Variants in DCHS1 observed in about 807,000 individuals in gnomAD.
DCHS1 encodes the protein protocadherin-16.
In DCHS1, 78 loss-of-function variants were observed where a neutral mutation model predicts 213.9. The observed-to-expected ratio is 0.36, with a 90% CI of 0.30 to 0.44. DCHS1 has a LOEUF of 0.44. Ranked by LOEUF, DCHS1 falls within the 20% of genes least tolerant of loss-of-function variation. The probability of loss-of-function intolerance (pLI) is 1.00; values close to 1 mark genes in which losing one functional copy is unlikely to be tolerated. For missense variants in DCHS1, 3,946 were observed against 4,395.9 expected (o/e 0.90, Z 2.89); for synonymous variants, 1,828 against 1,873.7 (o/e 0.98, Z 0.63).
chr11:6,643,010 T>A (rs1283940032), intron 1 of DCHS1, among the ~76,000 whole-genome samples: 1 of 151,744 alleles, frequency 6.6e-6, no homozygotes, highest in South Asian at 2.1e-4. Context: ...GGAAGAAGGA[T>A]TGGGAGAAGT....
At position 6,631,898 on chromosome 11, in the gene DCHS1, G is replaced by C. The variant is rs1855914217; in HGVS notation, c.3482-89C>G. 6 of 1,455,416 alleles carry C rather than the reference G, an allele frequency of 4.1e-6. No homozygotes were observed. The Admixed American group carries it at 7.7e-5, about 19-fold the overall frequency. The allele number at this position is 1,455,416 out of a possible 1,614,324, so 90.2% of individuals were successfully genotyped here. ...CTAAGAAGCTGGTGTTTGGGGAGTG[G>C]GGGAGGGAATGCCAGGGCTAAATCC... On this transcript the variant is annotated intron_variant, in intron 6 of 20. Coordinates refer to ENST00000299441, the MANE Select transcript of DCHS1 (RefSeq NM_003737.4).
chr11:6,647,540 G>A (rs1856181379), intron 1 of DCHS1, among the ~76,000 whole-genome samples: 1 of 152,202 alleles, frequency 6.6e-6, no homozygotes, highest in Non-Finnish European at 1.5e-5. Flanking sequence ...AGAGGCAGAG[G>A]AAAAGTCTAT....
chr11:6,650,809 C>T (rs1387891088), intron 1 of DCHS1, among the ~76,000 whole-genome samples: 1 of 152,168 alleles, frequency 6.6e-6, no homozygotes, highest in East Asian at 1.9e-4. Flanking sequence ...GGTCTGCAAA[C>T]TTCTGGTACT....
chr11:6,646,155 T>C (rs1312638487), intron 1 of DCHS1, among the ~76,000 whole-genome samples: 2 of 148,620 alleles, frequency 1.3e-5, no homozygotes, highest in Admixed American at 6.6e-5. Context: ...ACACCCACCC[T>C]CCACACACAC....
intron 1 of DCHS1, among the ~76,000 whole-genome samples, chr11:6,654,983 TC>T (rs1440767126): frequency 7.8e-6 from 1 of 128,258 alleles, no homozygotes; most frequent in African/African-American, 3.4e-5. Flanking sequence ...TCAGAACACG[TC>T]TGGGTGACCC....
intron 1 of DCHS1, among the ~76,000 whole-genome samples, chr11:6,654,470 C>A (rs1047119945): frequency 2.6e-5 from 4 of 152,184 alleles, no homozygotes; most frequent in Non-Finnish European, 5.9e-5. Flanking sequence ...TTAGCAGTAA[C>A]AATGTCTTCC....
At position 6,630,188 on chromosome 11, in the gene DCHS1, C is replaced by A; in HGVS notation, c.4606G>T (p.Val1536Phe). ...RAARVSARVF[V>F]TDENDNAPVF... ...GGCGCGTTGTCATTCTCATCCGTGA[C>A]GAAGACGCGCGCTGAAACGCGCGCT... Residue 1536 changes from valine (V) to phenylalanine (F), a missense_variant, in exon 10 of 21, where the codon GTC (valine) becomes TTC (phenylalanine). Coordinates refer to ENST00000299441, the MANE Select transcript of DCHS1 (RefSeq NM_003737.4). The A allele has an allele frequency of 6.3e-7, 1 of 1,587,810 alleles. No individual in the cohort carries two copies.
At position 6,628,508 on chromosome 11, in the gene DCHS1, C is replaced by T; in HGVS notation, c.5371+113G>A. ...TAAGCATGAAAGAAAAGGTGGACGACATCAAGAGGGAAAAGGAGACCCAGA... is the reference window on the plus strand; with the variant it reads ...TAAGCATGAAAGAAAAGGTGGACGATATCAAGAGGGAAAAGGAGACCCAGA... On this transcript the variant is annotated intron_variant, in intron 13 of 20. Coordinates refer to ENST00000299441, the MANE Select transcript of DCHS1 (RefSeq NM_003737.4). This position sits in a 1 kb window ranked among gnomAD's most constrained non-coding sequence, Gnocchi z 4.3. 1 of 1,191,766 alleles carries T rather than the reference C, an allele frequency of 8.4e-7. No homozygotes were observed. The highest frequency in any genetic ancestry group is 1.2e-6 in the Non-Finnish European group (1 of 817,620). The allele number at this position is 1,191,766 out of a possible 1,614,324, so 73.8% of individuals were successfully genotyped here.
In DCHS1 at chr11:6,630,242, G is replaced by C. The variant is rs756570525; in HGVS notation, c.4552C>G (p.Arg1518Gly). The change falls in exon 10 of 21, where the codon CGG (arginine) becomes GGG (glycine). Residue 1518 changes from arginine (R) to glycine (G), a missense_variant. By Grantham distance (125) the Arg-to-Gly change is moderately radical. Around this residue, in one of 3 missense-constraint regions of DCHS1, gnomAD observed 3,384 missense variants for 3,780.1 expected, o/e 0.90. Transcript: ENST00000299441. ...CGACGGCGGCTGGCGTTGGCGGGCCGGTCGGTGGCTTCCACCAGCAGCAGC... is the reference window on the plus strand; with the variant it reads ...CGACGGCGGCTGGCGTTGGCGGGCCCGTCGGTGGCTTCCACCAGCAGCAGC... ...ALLLLVEATD[R>G]PANASRRRAA... 3.7e-5 allele frequency: 57 copies of C among 1,548,636 alleles called. No homozygotes were observed. The Middle Eastern group carries it at 2.0e-3, about 54-fold the overall frequency.
chr11:6,640,455 G>A lies in DCHS1; in HGVS notation c.1159C>T (p.Arg387Cys), dbSNP rs138937842. The change falls in exon 2 of 21, where the codon CGC becomes TGC. Residue 387 changes from arginine to cysteine, a missense_variant. By Grantham distance (180) the Arg-to-Cys change is radical. Transcript: ENST00000299441. The surrounding 1 kb of genome is among the most constrained non-coding windows in gnomAD (Gnocchi z 6.5). Reference sequence around the variant, plus strand: ...TCATCTGGGTCTGACACAGAGATGCGAGCAACGAGCTGTCCAGGTGGGGCG... The same window carrying A: ...TCATCTGGGTCTGACACAGAGATGCAAGCAACGAGCTGTCCAGGTGGGGCG... The part of the protein sequence containing the change: ...EAAPPGQLVA[R>C]ISVSDPDDGD... The A allele has an allele frequency of 5.0e-6, 8 of 1,613,710 alleles. No individual in the cohort carries two copies. The highest frequency in any genetic ancestry group is 2.7e-5 in the African/African-American group (2 of 74,930).
At chr11:6,643,979 C>T (rs1856118570) in intron 1 of DCHS1, among the ~76,000 whole-genome samples, 1 of 152,216 alleles carries the variant, frequency 6.6e-6, no homozygotes, top group Non-Finnish European at 1.5e-5. Flanking sequence ...TTCAACTAGA[C>T]ATGTCTCAGG....
At chr11:6,649,558 G>A (rs1856214728) in intron 1 of DCHS1, among the ~76,000 whole-genome samples, 1 of 152,050 alleles carries the variant, frequency 6.6e-6, no homozygotes, top group African/African-American at 2.4e-5. Flanking sequence ...GTGATTCATT[G>A]ATAAATCTGT....
chr11:6,647,019 C>G (rs966027842), intron 1 of DCHS1, among the ~76,000 whole-genome samples: 1 of 152,088 alleles, frequency 6.6e-6, no homozygotes. Context: ...GCTGGCACCA[C>G]CCAGGCCTCC....
chr11:6,644,935 A>G (rs1054501900), intron 1 of DCHS1, among the ~76,000 whole-genome samples: 5 of 152,066 alleles, frequency 3.3e-5, no homozygotes, highest in African/African-American at 1.2e-4. Context: ...CCCTACTTAC[A>G]CTTCTGACCC....
Position 6,628,292 on chromosome 11 carries a change from T to G in DCHS1, c.5371+329A>C, listed in dbSNP as rs1855843681. Among the ~76,000 whole-genome samples the G allele has an allele frequency of 6.6e-6, 1 of 152,224 alleles. No individual in the cohort carries two copies. The highest frequency in any genetic ancestry group is 2.4e-5 in the African/African-American group (1 of 41,460). On this transcript the variant is annotated intron_variant, in intron 13 of 20. Coordinates refer to ENST00000299441, the MANE Select transcript of DCHS1 (RefSeq NM_003737.4). The surrounding 1 kb of genome is among the most constrained non-coding windows in gnomAD (Gnocchi z 4.3). ...TTTTATTATCTAATACAGTAAATAC[T>G]GATATAATCCACATAAAAACTCCTT...
chr11:6,632,022 T>A lies in DCHS1; in HGVS notation c.3481+9A>T, dbSNP rs141566818. ...TATGCGGTCTCAGGATTTGGGTCTC[T>A]GTGCTCACCAGTCTGGGGGTGGATG... is the stretch of plus-strand genomic sequence containing the variant. On this transcript the variant is annotated intron_variant, in intron 6 of 20. Coordinates refer to ENST00000299441, the MANE Select transcript of DCHS1 (RefSeq NM_003737.4). This position sits in a 1 kb window ranked among gnomAD's most constrained non-coding sequence, Gnocchi z 5.9. 7.0e-4 allele frequency: 1,044 copies of A among 1,500,980 alleles called. 9 individuals are homozygous for A. In the East Asian group the frequency reaches 0.017, roughly 24 times the overall value. 93.0% of individuals were successfully genotyped at this position (1,500,980 alleles called of 1,614,324 possible). A position where few individuals can be genotyped will look rare whatever the true frequency, so the allele number is the denominator to read the frequency against.
At chr11:6,648,302 G>A (rs1856196058) in intron 1 of DCHS1, among the ~76,000 whole-genome samples, 1 of 152,178 alleles carries the variant, frequency 6.6e-6, no homozygotes, top group Non-Finnish European at 1.5e-5. Context: ...GCAGTAGGTT[G>A]AAGAGACCTT....
In DCHS1 at chr11:6,630,089, C is replaced by T. The variant is rs1337031985; in HGVS notation, c.4705G>A (p.Ala1569Thr). 1 of 1,595,126 alleles carries T rather than the reference C, an allele frequency of 6.3e-7. No homozygotes were observed. Among genetic ancestry groups the T allele is most frequent in the South Asian group, 1.1e-5 (1 of 89,950 alleles). Residue 1569 changes from alanine (A) to threonine (T), a missense_variant, in exon 10 of 21, where the codon GCC (alanine) becomes ACC (threonine). Transcript: ENST00000299441. The part of the protein sequence containing the change: ...PPGPAALHVV[A>T]RDPDLGEAAR... ...GCCTCGCCCAGATCCGGGTCCCGGG[C>T]TACCACGTGCAGGGCCGCGGGCCCA...
chr11:6,637,311 TC>T (rs1855999536), intron 2 of DCHS1, among the ~76,000 whole-genome samples: 1 of 152,194 alleles, frequency 6.6e-6, no homozygotes, highest in African/African-American at 2.4e-5. Context: ...ATTCTCAGCC[TC>T]TACCCACTAG....
Sources: gnomAD v4.1 joint callset for allele counts (sites outside exome capture counted in the v4.1 genomes callset) on GRCh38, gnomAD v4.1.1 for gene constraint, gnomAD v4.1.1 regional missense constraint, Gnocchi (gnomAD v3.1) non-coding constraint, MANE v1.5 for transcripts, NCBI Gene and HGNC (gene_info 2026-07-23, HGNC 2026-07-21) for gene names.